Variants in TRA2B observed in about 807,000 individuals in gnomAD.
The protein encoded by TRA2B is transformer 2 beta homolog.
TRA2B carries 14 observed loss-of-function variants against 41.7 expected under a neutral mutation model. That is an observed-to-expected ratio of 0.34 (90% CI 0.22 to 0.53). The LOEUF (loss-of-function observed/expected upper bound fraction) is 0.53, where lower values mean the gene tolerates loss of function less well. Ranked by LOEUF, TRA2B falls within the 20% of genes least tolerant of loss-of-function variation. The pLI is 0.95. For synonymous variants in TRA2B, 130 were observed against 128.8 expected, an observed-to-expected ratio of 1.01 and a Z score of -0.06; for missense variants, 167 against 396.8, an observed-to-expected ratio of 0.42 and a Z score of 4.92.
At chr3:185,937,769 A>G (rs920264747) in intron 1 of TRA2B, 56 bp downstream of exon 1, 6 of 1,612,206 alleles carry the variant, frequency 3.7e-6, no homozygotes, top group Middle Eastern at 1.7e-4. Context: ...ACGGGCCTAG[A>G]AAAAGATGCA....
At chr3:185,930,172 G>C (rs1236099743) in intron 1 of TRA2B, among the ~76,000 whole-genome samples, 3 of 152,120 alleles carry the variant, frequency 2.0e-5, no homozygotes, top group Admixed American at 6.5e-5. Context: ...TCCTTTAGTG[G>C]GCTGGGGGTT....
intron 1 of TRA2B, chr3:185,934,936 A>T: frequency 1.0e-6 from 1 of 985,446 alleles, no homozygotes; most frequent in South Asian, 4.7e-5. Flanking sequence ...CATCTGGTCC[A>T]TACATCAGTG....
At position 185,938,004 on chromosome 3, in the gene TRA2B, G is replaced by A. The variant is rs540029638; in HGVS notation, c.-144C>T. On this transcript the variant is annotated 5_prime_UTR_variant, in exon 1 of 9. Coordinates refer to ENST00000453386, the MANE Select transcript of TRA2B (RefSeq NM_004593.3). Reference sequence around the variant, plus strand: ...AGCCGAAATGCTCCGCACCGCCTCCGCACGGGCTCTAACTCTACCGGATGT... The same window carrying A: ...AGCCGAAATGCTCCGCACCGCCTCCACACGGGCTCTAACTCTACCGGATGT... 458 of 906,454 alleles carry A rather than the reference G, an allele frequency of 5.1e-4. 3 individuals are homozygous for A. Among genetic ancestry groups the A allele is most frequent in the South Asian group, 3.2e-3 (212 of 66,720 alleles). 56.2% of individuals were successfully genotyped at this position (906,454 alleles called of 1,614,324 possible).
At chr3:185,937,761 G>A in intron 1 of TRA2B, 64 bp downstream of exon 1, 5 of 1,607,458 alleles carry the variant, frequency 3.1e-6, no homozygotes, top group East Asian at 2.2e-5. Flanking sequence ...CGAGGCCGAC[G>A]GGCCTAGAAA....
intron 6 of TRA2B, among the ~76,000 whole-genome samples, chr3:185,920,052 G>A (rs1215769955): frequency 6.6e-6 from 1 of 151,996 alleles, no homozygotes; most frequent in African/African-American, 2.4e-5. Context: ...TTTATCTTTG[G>A]AAGTATTCTC....
intron 1 of TRA2B, among the ~76,000 whole-genome samples, chr3:185,930,391 A>G (rs1051083966): frequency 6.9e-6 from 1 of 144,630 alleles, no homozygotes; most frequent in African/African-American, 2.9e-5. Context: ...AAACTTCTTA[A>G]GAGAAAATTT....
chr3:185,935,214 T>C, intron 1 of TRA2B: 7 of 985,402 alleles, frequency 7.1e-6, no homozygotes, highest in South Asian at 4.7e-5. Context: ...GCAAGCAATT[T>C]TGGGGGAAGA....
intron 1 of TRA2B, chr3:185,936,332 T>C: frequency 1.0e-6 from 1 of 985,364 alleles, no homozygotes; most frequent in Non-Finnish European, 1.2e-6. Context: ...CAATCCCAAC[T>C]TTCTTACCCA....
chr3:185,927,602 T>A (rs1029645689), intron 1 of TRA2B: 4 of 152,140 alleles, frequency 2.6e-5, no homozygotes, highest in African/African-American at 9.7e-5. Context: ...AGAAACTACA[T>A]ACAAAAGCCA....
chr3:185,926,698 C>A lies in TRA2B; in HGVS notation c.73G>T (p.Gly25Ter). The change falls in exon 2 of 9, where the codon GGA becomes TGA. Residue 25 changes from glycine (G) to a stop codon, truncating the protein, a stop_gained. Coordinates refer to ENST00000453386, the MANE Select transcript of TRA2B (RefSeq NM_004593.3). LOFTEE classifies it high-confidence loss of function. ...GTATGCCTTGCAGATTTCCCCGATC[C>A]GTGAGCACTTCCACTTCTGGAAGCA... is the stretch of plus-strand genomic sequence containing the variant. ...RSASRSGSAH[G>*]SGKSARHTPA... 6.2e-7 allele frequency: 1 copy of A among 1,614,126 alleles called. No individual in the cohort carries two copies.
chr3:185,937,685 G>A, intron 1 of TRA2B, 140 bp downstream of exon 1: 1 of 1,224,022 alleles, frequency 8.2e-7, no homozygotes. Context: ...TTGGTTAAAT[G>A]CTGTCTCCCT....
chr3:185,919,323 C>CA (rs1743626891), intron 7 of TRA2B, 114 bp downstream of exon 7: 1 of 740,850 alleles, frequency 1.3e-6, no homozygotes, highest in Admixed American at 2.6e-5. Flanking sequence ...TCATGAGCTT[C>CA]AAACAGTCTG....
chr3:185,936,389 A>T lies in TRA2B; in HGVS notation c.36+1436T>A, dbSNP rs112296111. ...AAATCTAAAACACTCGTGACATTGG[A>T]GTCAATCGGCTTCGGGAAAAACATC... On this transcript the variant is annotated intron_variant, in intron 1 of 8. Transcript: ENST00000453386. 9.9e-4 allele frequency: 973 copies of T among 985,388 alleles called. 1 individual carries two copies. In the Middle Eastern group the frequency reaches 0.016, roughly 16 times the overall value. The allele number at this position is 985,388 out of a possible 1,614,324, so 61.0% of individuals were successfully genotyped here.
In TRA2B at chr3:185,918,451, G is replaced by A; in HGVS notation, c.783-13C>T. The A allele has an allele frequency of 1.3e-6, 2 of 1,590,948 alleles. No individual in the cohort carries two copies. On this transcript the variant is annotated splice_polypyrimidine_tract_variant and intron_variant, in intron 7 of 8. Coordinates refer to ENST00000453386, the MANE Select transcript of TRA2B (RefSeq NM_004593.3). ...AGGTGACCGCCTTCTATAAACAAATGTCAAGATTGTCTAAGTCTCAATAGA... is the reference window on the plus strand; with the variant it reads ...AGGTGACCGCCTTCTATAAACAAATATCAAGATTGTCTAAGTCTCAATAGA...
chr3:185,920,217 C>A (rs995905595), intron 6 of TRA2B, among the ~76,000 whole-genome samples: 13 of 152,204 alleles, frequency 8.5e-5, no homozygotes, highest in South Asian at 2.1e-4. Flanking sequence ...ATCCATTTTA[C>A]CTGCCCTCAG....
At chr3:185,930,615 GAT>G (rs975554480) in intron 1 of TRA2B, among the ~76,000 whole-genome samples, 18 of 152,102 alleles carry the variant, frequency 1.2e-4, no homozygotes, top group African/African-American at 4.1e-4. Context: ...TATTATTTTT[GAT>G]ATGTGTACTT....
At chr3:185,920,973 A>G in intron 6 of TRA2B, 131 bp downstream of exon 6, 1 of 597,556 alleles carries the variant, frequency 1.7e-6, no homozygotes, top group South Asian at 3.3e-5. Flanking sequence ...ATCTGATTTA[A>G]CTTTCTACTC....
rs1158028499 is a variant in TRA2B, at chr3:185,917,713, C to T, written c.*2G>A. ...GGGCAGGTTTCAGAAAGTCTTCATG[C>T]TTTAATAGCGACCTGGGAAGAAAAG... On this transcript the variant is annotated 3_prime_UTR_variant, in exon 9 of 9. Coordinates refer to ENST00000453386, the MANE Select transcript of TRA2B (RefSeq NM_004593.3). 1.2e-6 allele frequency: 2 copies of T among 1,613,366 alleles called. No individual in the cohort carries two copies. Among genetic ancestry groups the T allele is most frequent in the South Asian group, 1.1e-5 (1 of 90,988 alleles).
intron 1 of TRA2B, chr3:185,928,491 TAAC>T (rs1246715618): frequency 6.6e-6 from 1 of 152,180 alleles, no homozygotes; most frequent in Non-Finnish European, 1.5e-5. Context: ...GGCTTCCAAT[TAAC>T]AACAATCCCT....
Sources: gnomAD v4.1 joint callset for allele counts (sites outside exome capture counted in the v4.1 genomes callset) on GRCh38, gnomAD v4.1.1 for gene constraint, MANE v1.5 for transcripts, NCBI Gene and HGNC (gene_info 2026-07-23, HGNC 2026-07-21) for gene names.